ERC1: variants seen among roughly 807,000 people sequenced by gnomAD.
The protein encoded by ERC1 is RAB6 interacting protein 2.
A neutral mutation model predicts 132.0 loss-of-function variants in ERC1; 56 were observed. The ratio of observed to expected loss-of-function variants is 0.42; its 90% confidence interval spans 0.34 to 0.53. The LOEUF (loss-of-function observed/expected upper bound fraction) is 0.53, where lower values mean the gene tolerates loss of function less well. ERC1 is among the 20% of genes least tolerant of loss of function. The pLI is 0.03. For missense variants in ERC1, 1,202 were observed against 1,349.9 expected (o/e 0.89, Z 1.72); for synonymous variants, 478 against 476.1 (o/e 1.00, Z -0.05).
At chr12:1,124,337 G>A (rs111726792) in intron 7 of ERC1, among the ~76,000 whole-genome samples, 19 of 152,246 alleles carry the variant, frequency 1.2e-4, no homozygotes, top group Non-Finnish European at 2.4e-4. Context: ...AGTAATAAAG[G>A]TAGTAAAGAA....
intron 8 of ERC1, among the ~76,000 whole-genome samples, chr12:1,174,641 G>T (rs1953486362): frequency 6.6e-6 from 1 of 152,220 alleles, no homozygotes; most frequent in South Asian, 2.1e-4. Flanking sequence ...GTAGAAAGAA[G>T]GGTATTATCC....
chr12:1,082,027 CTTGT>C (rs10560159), intron 2 of ERC1, among the ~76,000 whole-genome samples: 81,625 of 151,300 alleles, frequency 0.54, 23,337 homozygotes, highest in East Asian at 0.75. Flanking sequence ...TTCGGTTTTG[CTTGT>C]TTGTTTGTTT....
At chr12:1,373,097 T>C (rs1482647363) in intron 16 of ERC1, among the ~76,000 whole-genome samples, 2 of 152,212 alleles carry the variant, frequency 1.3e-5, no homozygotes, top group Non-Finnish European at 2.9e-5. Context: ...ATAAAACTTT[T>C]CCAGGGTCCT....
intron 15 of ERC1, among the ~76,000 whole-genome samples, chr12:1,318,548 A>G (rs1269697218): frequency 6.6e-6 from 1 of 152,224 alleles, no homozygotes; most frequent in African/African-American, 2.4e-5. Context: ...CACAAATTAA[A>G]CAAAGTCAGG....
chr12:1,282,350 C>T (rs1004973305), intron 14 of ERC1, among the ~76,000 whole-genome samples: 1 of 152,114 alleles, frequency 6.6e-6, no homozygotes, highest in Non-Finnish European at 1.5e-5. Flanking sequence ...ACTTTATACC[C>T]ACCATATAGG....
intron 15 of ERC1, among the ~76,000 whole-genome samples, chr12:1,335,162 G>A (rs1159653573): frequency 1.3e-5 from 2 of 152,116 alleles, no homozygotes; most frequent in Non-Finnish European, 2.9e-5. Flanking sequence ...ACAGGATTGT[G>A]TCATCTGCAA....
At position 1,495,526 on chromosome 12, in the gene ERC1, G is replaced by C. The variant is rs958893664; in HGVS notation, c.*5296G>C. On this transcript the variant is annotated 3_prime_UTR_variant, in exon 19 of 19. Coordinates refer to ENST00000360905, the MANE Select transcript of ERC1 (RefSeq NM_178040.4). ...TCTACTGCAGCTACACATCCTGAGG[G>C]CAGCACCACCCACTCTGGCCTGCTG... The C allele has an allele frequency of 2.7e-4, 63 of 229,190 alleles. No homozygotes were observed. Among genetic ancestry groups the C allele is most frequent in the African/African-American group, 1.4e-3 (61 of 45,090 alleles). The allele number at this position is 229,190 out of a possible 1,614,324, so 14.2% of individuals were successfully genotyped here. A position where few individuals can be genotyped will look rare whatever the true frequency, so the allele number is the denominator to read the frequency against.
chr12:1,470,955 G>A (rs1006451467), intron 18 of ERC1, among the ~76,000 whole-genome samples: 2 of 152,156 alleles, frequency 1.3e-5, no homozygotes, highest in African/African-American at 4.8e-5. Flanking sequence ...ACAAGAGATG[G>A]TCCCCTGTTT....
At chr12:1,272,946 TAAAAAAAAAAA>T (rs56750908) in intron 14 of ERC1, among the ~76,000 whole-genome samples, 55 of 87,778 alleles carry the variant, frequency 6.3e-4, no homozygotes, top group Admixed American at 5.2e-3. Flanking sequence ...AGACTCCGTC[TAAAAAAAAAAA>T]AAAAAAAAAA....
At chr12:1,387,867 C>T (rs888917444) in intron 16 of ERC1, among the ~76,000 whole-genome samples, 12 of 152,216 alleles carry the variant, frequency 7.9e-5, no homozygotes, top group African/African-American at 2.4e-4. Context: ...CACAGCTTCT[C>T]GAGTCCTTCA....
At chr12:1,366,341 T>C (rs1259190341) in intron 15 of ERC1, among the ~76,000 whole-genome samples, 2 of 152,202 alleles carry the variant, frequency 1.3e-5, no homozygotes, top group Non-Finnish European at 2.9e-5. Context: ...CCTACCCATG[T>C]AGAAGAATCA....
intron 18 of ERC1, among the ~76,000 whole-genome samples, chr12:1,449,651 A>G (rs943474899): frequency 2.6e-5 from 4 of 151,988 alleles, no homozygotes; most frequent in Admixed American, 6.5e-5. Flanking sequence ...GTATTTCTTC[A>G]TAGCAGCGTG....
chr12:1,048,392 C>G (rs1971414293), intron 2 of ERC1, among the ~76,000 whole-genome samples: 1 of 152,160 alleles, frequency 6.6e-6, no homozygotes, highest in African/African-American at 2.4e-5. Context: ...AGATGGCTTC[C>G]CCTCCTGGTT....
intron 2 of ERC1, among the ~76,000 whole-genome samples, chr12:1,047,715 T>C (rs1343739227): frequency 6.6e-6 from 1 of 152,228 alleles, no homozygotes; most frequent in Non-Finnish European, 1.5e-5. Flanking sequence ...TAAACCTCAC[T>C]ATATTCTGGA....
chr12:1,340,515 G>A (rs769505614), intron 15 of ERC1, among the ~76,000 whole-genome samples: 2 of 152,090 alleles, frequency 1.3e-5, no homozygotes, highest in Non-Finnish European at 2.9e-5. Context: ...CCAGAGGCCC[G>A]TAGCAAGAAC....
chr12:1,093,893 A>T (rs1943573678), intron 3 of ERC1, among the ~76,000 whole-genome samples: 1 of 143,366 alleles, frequency 7.0e-6, no homozygotes, highest in African/African-American at 2.5e-5. Context: ...GTATTTATTT[A>T]TATATAAATA....
chr12:1,374,357 A>G (rs1232668831), intron 16 of ERC1, among the ~76,000 whole-genome samples: 5 of 152,102 alleles, frequency 3.3e-5, no homozygotes, highest in African/African-American at 9.7e-5. Flanking sequence ...ATATGGTCCC[A>G]ATTTACTTAC....
At chr12:1,094,442 G>A (rs10744531) in intron 3 of ERC1, among the ~76,000 whole-genome samples, 79,477 of 142,842 alleles carry the variant, frequency 0.56, 23,056 homozygotes, top group East Asian at 0.76. Context: ...ACAGAGTCTC[G>A]CTCTATCGCC....
At chr12:1,206,238 G>A (rs1957341406) in intron 12 of ERC1, among the ~76,000 whole-genome samples, 1 of 151,844 alleles carries the variant, frequency 6.6e-6, no homozygotes, top group Non-Finnish European at 1.5e-5. Context: ...CATTTTAATT[G>A]TGGTTTTGCC....
Sources: gnomAD v4.1 joint callset for allele counts (sites outside exome capture counted in the v4.1 genomes callset) on GRCh38, gnomAD v4.1.1 for gene constraint, MANE v1.5 for transcripts, NCBI Gene and HGNC (gene_info 2026-07-23, HGNC 2026-07-21) for gene names.